Variants in ERBB4 observed in about 807,000 individuals in gnomAD.
The protein encoded by ERBB4 is receptor tyrosine-protein kinase erbB-4.
A neutral mutation model predicts 158.0 loss-of-function variants in ERBB4; 42 were observed. The ratio of observed to expected loss-of-function variants is 0.27; its 90% CI spans 0.21 to 0.34. ERBB4 has a LOEUF of 0.34. Among genes scored for constraint, ERBB4 ranks in the 10% least tolerant of loss-of-function variants. The pLI, the probability that ERBB4 is intolerant of heterozygous loss-of-function variation, is 1.00. For synonymous variants in ERBB4, 583 were observed against 558.7 expected (o/e 1.04, Z -0.61); for missense variants, 1,333 against 1,624.1 (o/e 0.82, Z 3.08).
In ERBB4 at chr2:212,312,941, C is replaced by T. The variant is rs185696426; in HGVS notation, c.83-188038G>A. Among the ~76,000 whole-genome samples the T allele has an allele frequency of 6.9e-4, 104 of 150,646 alleles. 1 individual carries two copies. Among genetic ancestry groups the T allele is most frequent in the African/African-American group, 2.4e-3 (100 of 41,320 alleles). On this transcript the variant is annotated intron_variant, in intron 1 of 27. Coordinates refer to ENST00000342788, the MANE Select transcript of ERBB4 (RefSeq NM_005235.3). ...TACTATGAGCTAAATCAGTAGTAAG[C>T]CCTTATAGTTTTAAATTCATCCACT...
At chr2:212,467,217 A>T (rs1331020123) in intron 1 of ERBB4, among the ~76,000 whole-genome samples, 1 of 152,224 alleles carries the variant, frequency 6.6e-6, no homozygotes, top group East Asian at 1.9e-4. Context: ...TTCTGAAGAG[A>T]AATTCAAGCT....
chr2:211,797,400 T>C (rs893382930), intron 3 of ERBB4, among the ~76,000 whole-genome samples: 3 of 151,990 alleles, frequency 2.0e-5, no homozygotes, highest in African/African-American at 7.2e-5. Context: ...TTTTAATAAC[T>C]CTTCTCACAA....
intron 1 of ERBB4, among the ~76,000 whole-genome samples, chr2:212,286,767 ATTTTT>A (rs748586400): frequency 1.1e-3 from 45 of 39,556 alleles, no homozygotes; most frequent in African/African-American, 3.8e-3. Flanking sequence ...ATGAGGGTTA[ATTTTT>A]TTTTTTTTTT....
chr2:211,386,704 G>C lies in ERBB4; in HGVS notation c.3481+149C>G, dbSNP rs2062691730. On this transcript the variant is annotated intron_variant, in intron 27 of 27. Transcript: ENST00000342788. ...ATAATGTGGATGCTGCTGATTCAGG[G>C]ACCATACTACAAGTAGCAGTAGCCT... 5.7e-6 allele frequency: 4 copies of C among 702,108 alleles called. No individual in the cohort carries two copies. The East Asian group carries it at 8.1e-5, about 14-fold the overall frequency. 43.5% of individuals were successfully genotyped at this position (702,108 alleles called of 1,614,324 possible).
chr2:211,521,776 C>T (rs182016808), intron 20 of ERBB4, among the ~76,000 whole-genome samples: 1 of 152,156 alleles, frequency 6.6e-6, no homozygotes, highest in African/African-American at 2.4e-5. Context: ...TCTGAAAATC[C>T]TTGGGACTGT....
At chr2:211,723,954 T>A (rs2074184409) in intron 6 of ERBB4, among the ~76,000 whole-genome samples, 1 of 152,202 alleles carries the variant, frequency 6.6e-6, no homozygotes, top group Non-Finnish European at 1.5e-5. Context: ...CTCAGCACTG[T>A]GCTTATCATG....
At chr2:212,484,249 G>A (rs549332809) in intron 1 of ERBB4, among the ~76,000 whole-genome samples, 14 of 152,274 alleles carry the variant, frequency 9.2e-5, no homozygotes, top group African/African-American at 2.2e-4. Context: ...ATAATAGAAC[G>A]TAATCTAAAG....
intron 4 of ERBB4, among the ~76,000 whole-genome samples, chr2:211,763,372 T>C (rs1385181841): frequency 1.3e-5 from 2 of 152,160 alleles, no homozygotes; most frequent in African/African-American, 4.8e-5. Context: ...AGTGTTGTCA[T>C]GGGAAAACTG....
chr2:212,278,803 C>T (rs2085642212), intron 1 of ERBB4, among the ~76,000 whole-genome samples: 2 of 151,574 alleles, frequency 1.3e-5, no homozygotes, highest in Non-Finnish European at 3.0e-5. Flanking sequence ...AAAAGGTTAA[C>T]TTGCCTCAAT....
At chr2:212,058,922 T>G (rs1442934503) in intron 2 of ERBB4, among the ~76,000 whole-genome samples, 4 of 152,180 alleles carry the variant, frequency 2.6e-5, no homozygotes, top group Non-Finnish European at 5.9e-5. Flanking sequence ...TTCAACGTAG[T>G]GTTGGAAGTT....
At chr2:211,918,420 C>T (rs575356709) in intron 3 of ERBB4, among the ~76,000 whole-genome samples, 4 of 152,204 alleles carry the variant, frequency 2.6e-5, no homozygotes, top group South Asian at 2.1e-4. Flanking sequence ...TGGTCTGTAA[C>T]CTTCTACGTG....
intron 3 of ERBB4, among the ~76,000 whole-genome samples, chr2:211,903,637 T>C (rs1186456687): frequency 1.3e-5 from 2 of 152,022 alleles, no homozygotes; most frequent in South Asian, 2.1e-4. Context: ...TTAGTGACTG[T>C]TTTTCAAAAG....
chr2:211,826,029 T>C lies in ERBB4; in HGVS notation c.422-37870A>G, dbSNP rs531240845. 1.6e-4 allele frequency among the ~76,000 whole-genome samples: 24 copies of C among 151,508 alleles called. No individual in the cohort carries two copies. The South Asian group carries it at 4.3e-3, about 27-fold the overall frequency. ...TGGTCTACATATAGCTTCCCTAGAA[T>C]CAACCTAATCCCAAGAAGACATGGA... is the stretch of plus-strand genomic sequence containing the variant. On this transcript the variant is annotated intron_variant, in intron 3 of 27. Coordinates refer to ENST00000342788, the MANE Select transcript of ERBB4 (RefSeq NM_005235.3).
At chr2:212,141,294 T>G (rs2080466990) in intron 1 of ERBB4, among the ~76,000 whole-genome samples, 1 of 151,944 alleles carries the variant, frequency 6.6e-6, no homozygotes, top group South Asian at 2.1e-4. Context: ...TAAAAAGAAT[T>G]TTATAGTACA....
At chr2:212,271,002 T>G (rs144645750) in intron 1 of ERBB4, among the ~76,000 whole-genome samples, 34 of 151,940 alleles carry the variant, frequency 2.2e-4, no homozygotes, top group African/African-American at 8.2e-4. Context: ...TATAAATTGT[T>G]TTTAGCCAAT....
At chr2:211,574,829 C>T (rs1559310813) in intron 19 of ERBB4, among the ~76,000 whole-genome samples, 1 of 152,112 alleles carries the variant, frequency 6.6e-6, no homozygotes, top group Non-Finnish European at 1.5e-5. Context: ...ATTTAGTTCA[C>T]CTGTAGTTTT....
intron 20 of ERBB4, among the ~76,000 whole-genome samples, chr2:211,478,928 C>T (rs2065020909): frequency 6.6e-6 from 1 of 152,106 alleles, no homozygotes; most frequent in Non-Finnish European, 1.5e-5. Flanking sequence ...CTTCTTCATG[C>T]TTTCCCAACT....
chr2:212,059,923 A>G (rs1185849243), intron 2 of ERBB4, among the ~76,000 whole-genome samples: 1 of 152,210 alleles, frequency 6.6e-6, no homozygotes, highest in Non-Finnish European at 1.5e-5. Flanking sequence ...AATGGCAACA[A>G]AAGCCAAAAT....
rs748586400 is a variant in ERBB4, at chr2:212,286,767, A to ATT, written c.83-161866_83-161865dup. On this transcript the variant is annotated intron_variant, in intron 1 of 27. Transcript: ENST00000342788. ...TAGGCGGGTGGCACCATGAGGGTTA[A>ATT]TTTTTTTTTTTTTTTTTTTTTTTGT... Among the ~76,000 whole-genome samples the ATT allele has an allele frequency of 5.6e-4, 22 of 39,560 alleles. 3 individuals are homozygous for ATT. The highest frequency in any genetic ancestry group is 1.9e-3 in the Admixed American group (4 of 2,082). 26.0% of individuals were successfully genotyped at this position (39,560 alleles called of 152,430 possible).
Sources: gnomAD v4.1 joint callset for allele counts (sites outside exome capture counted in the v4.1 genomes callset) on GRCh38, gnomAD v4.1.1 for gene constraint, MANE v1.5 for transcripts, NCBI Gene and HGNC (gene_info 2026-07-23, HGNC 2026-07-21) for gene names.